Variants in PCDHA1 observed in about 807,000 individuals in gnomAD.
The protein encoded by PCDHA1 is protocadherin alpha-1.
Under a neutral mutation model 61.3 loss-of-function variants are expected in PCDHA1, and 42 were observed. The observed-to-expected ratio is 0.69, with a 90% CI of 0.54 to 0.89. PCDHA1 has a LOEUF of 0.89. Ranked by LOEUF, PCDHA1 falls within the 40% of genes least tolerant of loss-of-function variation. The probability of loss-of-function intolerance (pLI) is 0.00; values close to 1 mark genes in which losing one functional copy is unlikely to be tolerated. For synonymous variants in PCDHA1, 610 were observed against 553.8 expected (o/e 1.10, Z -1.43); for missense variants, 1,256 against 1,235.3 (o/e 1.02, Z -0.25).
intron 1 of PCDHA1, among the ~76,000 whole-genome samples, chr5:140,899,610 A>G (rs2067438350): frequency 6.6e-6 from 1 of 152,164 alleles, no homozygotes; most frequent in Admixed American, 6.5e-5. Flanking sequence ...TTTTGCATCA[A>G]TGTTCATCAA....
At chr5:140,842,698 G>A (rs782455331) in intron 1 of PCDHA1, 1 of 1,595,366 alleles carries the variant, frequency 6.3e-7, no homozygotes, top group South Asian at 1.1e-5. Flanking sequence ...CGCAGCCCGA[G>A]TACACGGTGT....
chr5:140,822,200 T>G, intron 1 of PCDHA1: 1 of 1,614,242 alleles, frequency 6.2e-7, no homozygotes, highest in Non-Finnish European at 8.5e-7. Flanking sequence ...TTATTCATTT[T>G]AGAGTCAAGA....
chr5:140,947,194 G>A (rs2094102779), intron 1 of PCDHA1, among the ~76,000 whole-genome samples: 1 of 151,018 alleles, frequency 6.6e-6, no homozygotes, highest in Admixed American at 6.6e-5. Context: ...ATACTACACA[G>A]CCTTAAAAAA....
chr5:140,927,995 AC>A, intron 1 of PCDHA1: 5 of 1,614,042 alleles, frequency 3.1e-6, no homozygotes, highest in Non-Finnish European at 4.2e-6. Flanking sequence ...AAGGATGAAG[AC>A]CTCGATTCTA....
chr5:140,829,672 G>A (rs1449427900), intron 1 of PCDHA1: 5 of 1,612,994 alleles, frequency 3.1e-6, no homozygotes, highest in South Asian at 2.2e-5. Flanking sequence ...ACCACGAGGA[G>A]CTAGAGCTGC....
At chr5:140,949,167 T>C (rs2094348737) in intron 1 of PCDHA1, among the ~76,000 whole-genome samples, 1 of 151,798 alleles carries the variant, frequency 6.6e-6, no homozygotes, top group Admixed American at 6.6e-5. Flanking sequence ...AATTCTCTTT[T>C]GGTCAGAGAA....
intron 3 of PCDHA1, among the ~76,000 whole-genome samples, chr5:140,993,462 TCACACACACACACA>T (rs3836747): frequency 0.028 from 4,017 of 141,026 alleles, 179 homozygotes; most frequent in African/African-American, 0.099. Context: ...TCTTTCTTTC[TCACACACACACACA>T]CACACACACA....
chr5:141,000,468 C>T (rs2097940295), intron 3 of PCDHA1, among the ~76,000 whole-genome samples: 1 of 107,380 alleles, frequency 9.3e-6, no homozygotes, highest in Non-Finnish European at 1.8e-5. Context: ...GCTCTTGTTG[C>T]CCAAGCTGGA....
intron 1 of PCDHA1, chr5:140,834,241 G>A: frequency 1.2e-6 from 1 of 811,066 alleles, no homozygotes; most frequent in East Asian, 2.6e-5. Context: ...ATTCCTTTTC[G>A]CACTGGAAAG....
intron 1 of PCDHA1, chr5:140,805,484 C>T (rs892212400): frequency 1.1e-5 from 11 of 993,514 alleles, no homozygotes; most frequent in Admixed American, 1.2e-4. Flanking sequence ...AGAGAGGGAG[C>T]GTAAAGCTAT....
chr5:140,787,770 C>G lies in PCDHA1; in HGVS notation c.1480C>G (p.Leu494Val). Residue 494 changes from leucine to valine, a missense_variant, in exon 1 of 4, where the codon CTG (leucine) becomes GTG (valine). Coordinates refer to ENST00000504120, the MANE Select transcript of PCDHA1 (RefSeq NM_018900.4). Reference protein sequence around the residue: ...AQENALVSYSLVERRVGERAL... With the variant: ...AQENALVSYSVVERRVGERAL... ...GGAGAACGCGCTGGTGTCCTATTCG[C>G]TGGTGGAACGGCGGGTGGGCGAGCG... The G allele has an allele frequency of 6.2e-7, 1 of 1,613,116 alleles. No individual in the cohort carries two copies. The highest frequency in any genetic ancestry group is 1.1e-5 in the South Asian group (1 of 91,034).
At chr5:141,004,657 G>A (rs565994909) in intron 3 of PCDHA1, among the ~76,000 whole-genome samples, 1 of 152,262 alleles carries the variant, frequency 6.6e-6, no homozygotes, top group Admixed American at 6.5e-5. Context: ...TGGGCTCTGA[G>A]GGCAACTAAA....
chr5:140,841,949 T>C, intron 1 of PCDHA1: 1 of 1,613,920 alleles, frequency 6.2e-7, no homozygotes, highest in Non-Finnish European at 8.5e-7. Flanking sequence ...TGCGCACCAC[T>C]TATTCCTGAC....
At position 140,809,155 on chromosome 5, in the gene PCDHA1, G is replaced by T. The variant is rs567757480; in HGVS notation, c.2394+20471G>T. On this transcript the variant is annotated intron_variant, in intron 1 of 3. Coordinates refer to ENST00000504120, the MANE Select transcript of PCDHA1 (RefSeq NM_018900.4). Reference sequence around the variant, plus strand: ...TGGTACTGGTGAAGGACCACGGCGAGCCCGCGCTGACGGCCACGGCCACTG... The same window carrying T: ...TGGTACTGGTGAAGGACCACGGCGATCCCGCGCTGACGGCCACGGCCACTG... 5 of 1,613,980 alleles carry T rather than the reference G, an allele frequency of 3.1e-6. No homozygotes were observed. In the East Asian group the frequency reaches 8.9e-5, roughly 29 times the overall value.
Position 140,786,408 on chromosome 5 carries a change from A to G in PCDHA1, c.118A>G (p.Lys40Glu), listed in dbSNP as rs781852611. 1.2e-6 allele frequency: 2 copies of G among 1,613,508 alleles called. No individual in the cohort carries two copies. The highest frequency in any genetic ancestry group is 1.7e-6 in the Non-Finnish European group (2 of 1,180,038). Residue 40 changes from lysine (K) to glutamate (E), a missense_variant, in exon 1 of 4, where the codon AAA (lysine) becomes GAA (glutamate). Coordinates refer to ENST00000504120, the MANE Select transcript of PCDHA1 (RefSeq NM_018900.4). ...CCACTACTCGATCCCGGAGGAAGCC[A>G]AACACGGCACCTTCGTTGGCCGCGT... Reference protein sequence around the residue: ...QLHYSIPEEAKHGTFVGRVAQ... With the variant: ...QLHYSIPEEAEHGTFVGRVAQ...
rs782219196 is a variant in PCDHA1 at position 140,808,940 on chromosome 5, G to A, written c.2394+20256G>A. The stretch of plus-strand genomic sequence containing the variant: ...AGTGAGCGAGCTGGTGCCATGGTCG[G>A]TGGGTGTGGGCCACGTGGTGGCAAA... On this transcript the variant is annotated intron_variant, in intron 1 of 3. Coordinates refer to ENST00000504120, the MANE Select transcript of PCDHA1 (RefSeq NM_018900.4). The A allele has an allele frequency of 2.8e-5, 45 of 1,613,628 alleles. No homozygotes were observed. In the South Asian group the frequency reaches 4.8e-4, roughly 17 times the overall value.
At chr5:140,890,530 T>G (rs2062685019) in intron 1 of PCDHA1, among the ~76,000 whole-genome samples, 1 of 152,222 alleles carries the variant, frequency 6.6e-6, no homozygotes. Flanking sequence ...TTGTTGATCT[T>G]CTTTTGAAAT....
chr5:140,858,341 G>A, intron 1 of PCDHA1: 1 of 1,595,396 alleles, frequency 6.3e-7, no homozygotes, highest in Non-Finnish European at 8.6e-7. Context: ...CCTGCCCAAG[G>A]CGGACCTCAT....
chr5:140,872,165 C>CT (rs781807025), intron 1 of PCDHA1, among the ~76,000 whole-genome samples: 5,631 of 144,184 alleles, frequency 0.039, 139 homozygotes, highest in African/African-American at 0.065. Flanking sequence ...ATTTACTTTT[C>CT]TTTTTTTTTT....
Sources: allele counts gnomAD v4.1 joint callset (sites outside exome capture counted in the v4.1 genomes callset), GRCh38; gene constraint gnomAD v4.1.1; transcripts MANE v1.5; gene names NCBI Gene and HGNC (gene_info 2026-07-23, HGNC 2026-07-21).